Variants in RORB observed in about 807,000 individuals in gnomAD.
RORB encodes the protein RAR related orphan receptor B.
A neutral mutation model predicts 59.1 loss-of-function variants in RORB; 6 were observed. The ratio of observed to expected loss-of-function variants is 0.10; its 90% CI spans 0.06 to 0.20. RORB has a LOEUF of 0.20. Among genes scored for constraint, RORB ranks in the 10% least tolerant of loss-of-function variants. The probability of loss-of-function intolerance (pLI) is 1.00; values close to 1 mark genes in which losing one functional copy is unlikely to be tolerated. For missense variants in RORB, 320 were observed against 560.5 expected (o/e 0.57, Z 4.33); for synonymous variants, 215 against 204.5 (o/e 1.05, Z -0.44).
chr9:74,568,440 G>A (rs1468054380), intron 1 of RORB, among the ~76,000 whole-genome samples: 6 of 151,920 alleles, frequency 3.9e-5, no homozygotes, highest in African/African-American at 1.2e-4. Context: ...GGTGGCTCAC[G>A]CCTGTAATCC....
rs975708949 is a variant in RORB at position 74,642,614 on chromosome 9, G to C, written c.436G>C (p.Val146Leu). The change falls in exon 4 of 10, where the codon GTC becomes CTC. Residue 146 changes from valine to leucine, a missense_variant. This residue lies in a region of RORB where 134 missense variants were observed against 156.2 expected (regional missense o/e 0.86). Coordinates refer to ENST00000376896, the MANE Select transcript of RORB (RefSeq NM_006914.4). ...ETSGTYANGH[V>L]IDLPKSEGYY... ...CAGCGGCACTTATGCCAACGGGCAC[G>C]TCATTGACCTGCCCAAGTCTGAGGG... 2 of 1,614,070 alleles carry C rather than the reference G, an allele frequency of 1.2e-6. No individual in the cohort carries two copies. The highest frequency in any genetic ancestry group is 1.7e-6 in the Non-Finnish European group (2 of 1,180,054).
intron 1 of RORB, among the ~76,000 whole-genome samples, chr9:74,563,366 A>G (rs1045034836): frequency 6.6e-6 from 1 of 151,964 alleles, no homozygotes; most frequent in Non-Finnish European, 1.5e-5. Flanking sequence ...TTGTATTTTT[A>G]GAAGAGATGG....
chr9:74,618,412 T>A (rs564580700), intron 1 of RORB, among the ~76,000 whole-genome samples: 2 of 152,216 alleles, frequency 1.3e-5, no homozygotes, highest in African/African-American at 4.8e-5. Flanking sequence ...TCCACTCACA[T>A]ACCTCATGAG....
intron 8 of RORB, among the ~76,000 whole-genome samples, chr9:74,670,302 C>G (rs1236721697): frequency 6.6e-6 from 1 of 152,068 alleles, no homozygotes; most frequent in African/African-American, 2.4e-5. Context: ...CTTGCTTGCT[C>G]CAAGGAAGCG....
At chr9:74,501,830 T>C (rs369273796) in intron 1 of RORB, among the ~76,000 whole-genome samples, 2 of 152,140 alleles carry the variant, frequency 1.3e-5, no homozygotes, top group South Asian at 2.1e-4. Flanking sequence ...CAATCACGAA[T>C]TGGGAAACCA....
intron 3 of RORB, among the ~76,000 whole-genome samples, chr9:74,637,604 A>G (rs747840992): frequency 1.3e-4 from 19 of 151,570 alleles, no homozygotes; most frequent in Non-Finnish European, 2.2e-4. Context: ...TCTTTTACCT[A>G]CACCCTTTAC....
In RORB at chr9:74,498,066, A is replaced by T. The variant is rs138906656; in HGVS notation, c.7+83A>T. ...GGAGATGGGGGAGGGGAGGGCACCC[A>T]GCAGAAAGGGAAAGAGGTTGCCCAG... is the stretch of plus-strand genomic sequence containing the variant. On this transcript the variant is annotated intron_variant, in intron 1 of 9. Coordinates refer to ENST00000376896, the MANE Select transcript of RORB (RefSeq NM_006914.4). 13,755 of 1,501,992 alleles carry T rather than the reference A, an allele frequency of 9.2e-3. 89 individuals are homozygous for T. Among genetic ancestry groups the T allele is most frequent in the Admixed American group, 0.011 (583 of 54,152 alleles). The allele number at this position is 1,501,992 out of a possible 1,614,324, so 93.0% of individuals were successfully genotyped here.
chr9:74,681,540 T>C (rs1587422286), intron 9 of RORB, among the ~76,000 whole-genome samples: 1 of 152,324 alleles, frequency 6.6e-6, no homozygotes, highest in Non-Finnish European at 1.5e-5. Context: ...CAGAAAGCAA[T>C]TCTCACCATC....
chr9:74,686,130 A>T lies in RORB; in HGVS notation c.*512A>T, dbSNP rs1824638906. The T allele has an allele frequency of 6.5e-6, 1 of 152,798 alleles. No homozygotes were observed. Among genetic ancestry groups the T allele is most frequent in the Non-Finnish European group, 1.5e-5 (1 of 68,058 alleles). The allele number at this position is 152,798 out of a possible 1,614,324, so 9.5% of individuals were successfully genotyped here. A position where few individuals can be genotyped will look rare whatever the true frequency, so the allele number is the denominator to read the frequency against. On this transcript the variant is annotated 3_prime_UTR_variant, in exon 10 of 10. Transcript: ENST00000376896. ...TGTGAGAATATTATATATGACTATT[A>T]CTTATACATGCACATGCACTGTGGC...
chr9:74,650,458 G>A (rs11144036), intron 4 of RORB, among the ~76,000 whole-genome samples: 7,289 of 152,240 alleles, frequency 0.048, 274 homozygotes, highest in East Asian at 0.18. Context: ...TGTGATTAGC[G>A]TGGTATGCAA....
intron 1 of RORB, among the ~76,000 whole-genome samples, chr9:74,528,602 G>C (rs1011372625): frequency 6.6e-6 from 1 of 151,930 alleles, no homozygotes; most frequent in Non-Finnish European, 1.5e-5. Context: ...GAGCCTAATT[G>C]GGTTTTCAAT....
chr9:74,616,091 A>G (rs1348991952), intron 1 of RORB, among the ~76,000 whole-genome samples: 1 of 152,216 alleles, frequency 6.6e-6, no homozygotes, highest in African/African-American at 2.4e-5. Context: ...ATATTTTCAA[A>G]CATAATAGCT....
chr9:74,668,044 C>G, intron 8 of RORB, 143 bp downstream of exon 8: 2 of 602,718 alleles, frequency 3.3e-6, no homozygotes. Flanking sequence ...TATTTTTGGA[C>G]AGTGAAAAGG....
At chr9:74,675,077 A>G (rs937342887) in intron 9 of RORB, among the ~76,000 whole-genome samples, 1 of 152,158 alleles carries the variant, frequency 6.6e-6, no homozygotes, top group African/African-American at 2.4e-5. Context: ...TATCTAAGAG[A>G]TGGCGTATTT....
At chr9:74,576,744 T>A (rs1446468180) in intron 1 of RORB, among the ~76,000 whole-genome samples, 2 of 152,120 alleles carry the variant, frequency 1.3e-5, no homozygotes, top group Non-Finnish European at 2.9e-5. Flanking sequence ...AGTTTCGTGC[T>A]GGTAGGGTTC....
At chr9:74,650,598 G>A (rs769033981) in intron 4 of RORB, among the ~76,000 whole-genome samples, 1 of 152,086 alleles carries the variant, frequency 6.6e-6, no homozygotes, top group Non-Finnish European at 1.5e-5. Context: ...TATTTTTTAA[G>A]GTAAGCTTTC....
Position 74,559,172 on chromosome 9 carries a change from G to GA in RORB, c.7+61194dup, listed in dbSNP as rs554303923. Among the ~76,000 whole-genome samples, 179 of 152,232 alleles carry GA rather than the reference G, an allele frequency of 1.2e-3. 1 individual carries two copies. Among genetic ancestry groups the GA allele is most frequent in the African/African-American group, 3.7e-3 (155 of 41,550 alleles). ...AAATATATAAAATTACTACTGTTTC[G>GA]AAAAATCCAAGGCACCAGATCTCTG... On this transcript the variant is annotated intron_variant, in intron 1 of 9. Transcript: ENST00000376896.
In RORB at chr9:74,686,063, G is replaced by A. The variant is rs1342639850; in HGVS notation, c.*445G>A. 1 of 153,196 alleles carries A rather than the reference G, an allele frequency of 6.5e-6. No individual in the cohort carries two copies. Among genetic ancestry groups the A allele is most frequent in the African/African-American group, 2.4e-5 (1 of 41,426 alleles). The allele number at this position is 153,196 out of a possible 1,614,324, so 9.5% of individuals were successfully genotyped here. On this transcript the variant is annotated 3_prime_UTR_variant, in exon 10 of 10. Transcript: ENST00000376896. ...TTGATGCATGTGTAAATTTGTAGCTGTCTTGGAAAGTACTGTGCATGTATG... is the reference window on the plus strand; with the variant it reads ...TTGATGCATGTGTAAATTTGTAGCTATCTTGGAAAGTACTGTGCATGTATG...
intron 1 of RORB, among the ~76,000 whole-genome samples, chr9:74,614,035 C>T (rs148876435): frequency 1.7e-3 from 253 of 152,284 alleles, no homozygotes; most frequent in Non-Finnish European, 2.5e-3. Context: ...CTGTGATGAA[C>T]ACATGGGTGC....
Sources: gnomAD v4.1 joint callset for allele counts (sites outside exome capture counted in the v4.1 genomes callset) on GRCh38, gnomAD v4.1.1 for gene constraint, gnomAD v4.1.1 regional missense constraint, MANE v1.5 for transcripts, NCBI Gene and HGNC (gene_info 2026-07-23, HGNC 2026-07-21) for gene names.